The following SPTA1 variants were observed in gnomAD, a reference collection of about 807,000 sequenced individuals.
SPTA1 encodes spectrin alpha, erythrocytic 1.
A neutral mutation model predicts 324.7 loss-of-function variants in SPTA1; 177 were observed. That is an observed-to-expected ratio of 0.55 (90% CI 0.48 to 0.62). The LOEUF (loss-of-function observed/expected upper bound fraction) is 0.62, where lower values mean the gene tolerates loss of function less well. Ranked by LOEUF, SPTA1 falls within the 20% of genes least tolerant of loss-of-function variation. SPTA1 has a pLI of 0.00. For synonymous variants in SPTA1, 1,195 were observed against 1,041.3 expected, an observed-to-expected ratio of 1.15 and a Z score of -2.84; for missense variants, 3,162 against 2,883.6, an observed-to-expected ratio of 1.10 and a Z score of -2.21.
intron 27 of SPTA1, among the ~76,000 whole-genome samples, chr1:158,646,854 C>T (rs771656445): frequency 4.6e-5 from 7 of 152,068 alleles, no homozygotes; most frequent in East Asian, 3.9e-4. Context: ...CTGACTGATG[C>T]GATAGAGCCA....
intron 15 of SPTA1, among the ~76,000 whole-genome samples, chr1:158,667,492 G>T (rs76608891): frequency 1.9e-3 from 295 of 152,220 alleles, no homozygotes; most frequent in African/African-American, 6.9e-3. Context: ...ATAATATCTT[G>T]TCTAGCTTAT....
chr1:158,617,130 C>G (rs1251929284), intron 47 of SPTA1, among the ~76,000 whole-genome samples: 2 of 152,152 alleles, frequency 1.3e-5, no homozygotes, highest in Non-Finnish European at 2.9e-5. Flanking sequence ...TATCATCTTA[C>G]TACGTCATAT....
Position 158,639,351 on chromosome 1 carries a change from G to A in SPTA1, c.4980+231C>T, listed in dbSNP as rs1402486032. On this transcript the variant is annotated intron_variant, in intron 35 of 51. Transcript: ENST00000643759. Reference sequence around the variant, plus strand: ...AAAAGATAAAAAAGATAGTTTCCCAGGTCCACTTTCTGGAATCTTAAAGTC... The same window carrying A: ...AAAAGATAAAAAAGATAGTTTCCCAAGTCCACTTTCTGGAATCTTAAAGTC... 5.3e-6 allele frequency: 3 copies of A among 570,044 alleles called. No homozygotes were observed. The African/African-American group carries it at 5.6e-5, about 11-fold the overall frequency. The allele number at this position is 570,044 out of a possible 1,614,324, so 35.3% of individuals were successfully genotyped here.
chr1:158,671,195 A>G, intron 12 of SPTA1, 148 bp downstream of exon 12: 2 of 680,904 alleles, frequency 2.9e-6, no homozygotes, highest in South Asian at 3.2e-5. Flanking sequence ...AAACACACCA[A>G]CAACGAAAGA....
At chr1:158,685,968 A>G (rs945166196) in intron 1 of SPTA1, among the ~76,000 whole-genome samples, 1 of 152,182 alleles carries the variant, frequency 6.6e-6, no homozygotes, top group African/African-American at 2.4e-5. Context: ...GAAATATAAA[A>G]ACTTTTACTC....
chr1:158,662,147 T>G (rs973658430), intron 17 of SPTA1, among the ~76,000 whole-genome samples: 1 of 152,208 alleles, frequency 6.6e-6, no homozygotes, highest in African/African-American at 2.4e-5. Context: ...AAACCTTTCA[T>G]TGTCCTCATT....
intron 42 of SPTA1, among the ~76,000 whole-genome samples, chr1:158,625,192 T>A (rs1453100240): frequency 6.6e-6 from 1 of 152,102 alleles, no homozygotes; most frequent in African/African-American, 2.4e-5. Flanking sequence ...AAAGTGGAAA[T>A]AGATATTTCT....
Position 158,668,069 on chromosome 1 carries a change from T to C in SPTA1, c.1834-7A>G, listed in dbSNP as rs370139457. 1.3e-6 allele frequency: 2 copies of C among 1,490,996 alleles called. No individual in the cohort carries two copies. The highest frequency in any genetic ancestry group is 2.4e-5 in the South Asian group (2 of 82,610). 92.4% of individuals were successfully genotyped at this position (1,490,996 alleles called of 1,614,324 possible). A position where few individuals can be genotyped will look rare whatever the true frequency, so the allele number is the denominator to read the frequency against. ...TCTTCAAGTTCTGTATGTCCTGAGATAAGATGAAAAAAAAAAAAAAAACCA... is the reference window on the plus strand; with the variant it reads ...TCTTCAAGTTCTGTATGTCCTGAGACAAGATGAAAAAAAAAAAAAAAACCA... On this transcript the variant is annotated splice_region_variant and splice_polypyrimidine_tract_variant and intron_variant, in intron 14 of 51. Coordinates refer to ENST00000643759, the MANE Select transcript of SPTA1 (RefSeq NM_003126.4).
At position 158,634,590 on chromosome 1, in the gene SPTA1, C is replaced by T. The variant is rs1183748687; in HGVS notation, c.5518G>A (p.Ala1840Thr). Residue 1840 changes from alanine (A) to threonine (T), a missense_variant, in exon 39 of 52, where the codon GCT (alanine) becomes ACT (threonine). Physicochemically the swap from Ala to Thr is moderately conservative, Grantham distance 58. Coordinates refer to ENST00000643759, the MANE Select transcript of SPTA1 (RefSeq NM_003126.4). ...CCACAATCTCCTCGGACAGCCAAAGCATTCTTTTCATTGATCCAAGCTTCC... is the reference window on the plus strand; with the variant it reads ...CCACAATCTCCTCGGACAGCCAAAGTATTCTTTTCATTGATCCAAGCTTCC... ...EEEAWINEKN[A>T]LAVRGDCGDT... The T allele has an allele frequency of 6.2e-7, 1 of 1,614,040 alleles. No individual in the cohort carries two copies. Among genetic ancestry groups the T allele is most frequent in the African/African-American group, 1.3e-5 (1 of 74,928 alleles).
intron 24 of SPTA1, 59 bp from the exon 25 acceptor site, chr1:158,650,006 C>T (rs545715342): frequency 2.8e-5 from 32 of 1,129,322 alleles, no homozygotes; most frequent in African/African-American, 2.6e-4. Flanking sequence ...GGCTCAGTGG[C>T]GTCTGAAGAC....
At chr1:158,653,194 T>C in intron 22 of SPTA1, 80 bp downstream of exon 22, 4 of 1,592,048 alleles carry the variant, frequency 2.5e-6, no homozygotes, top group Non-Finnish European at 3.4e-6. Context: ...ATCTAACAGA[T>C]GCAGGGTCAT....
intron 12 of SPTA1, 48 bp from the exon 13 acceptor site, chr1:158,669,834 G>T: frequency 6.4e-7 from 1 of 1,573,574 alleles, no homozygotes; most frequent in Non-Finnish European, 8.7e-7. Flanking sequence ...AGTGACCACT[G>T]AGTAAGTGGC....
chr1:158,674,185 G>A lies in SPTA1; in HGVS notation c.1350+144C>T, dbSNP rs115245617. 2.6e-3 allele frequency: 2,292 copies of A among 896,380 alleles called. 34 individuals carry two copies. In the African/African-American group the frequency reaches 0.033, roughly 13 times the overall value. 55.5% of individuals were successfully genotyped at this position (896,380 alleles called of 1,614,324 possible). A position where few individuals can be genotyped will look rare whatever the true frequency, so the allele number is the denominator to read the frequency against. ...AAGTGATAACTGTATATGAAAGGAAGCAGTGTAAAAGTTTGATTCATATTA... is the reference window on the plus strand; with the variant it reads ...AAGTGATAACTGTATATGAAAGGAAACAGTGTAAAAGTTTGATTCATATTA... On this transcript the variant is annotated intron_variant, in intron 10 of 51. Coordinates refer to ENST00000643759, the MANE Select transcript of SPTA1 (RefSeq NM_003126.4).
At position 158,665,372 on chromosome 1, in the gene SPTA1, A is replaced by G. The variant is rs545353264; in HGVS notation, c.2220+944T>C. On this transcript the variant is annotated intron_variant, in intron 16 of 51. Transcript: ENST00000643759. ...ACTTTTTTCCTGTTTTCTGTAGATT[A>G]TTCTGTTTTTTTCCATTTAACTCAG... Among the ~76,000 whole-genome samples the G allele has an allele frequency of 5.9e-5, 9 of 152,214 alleles. No homozygotes were observed. In the South Asian group the frequency reaches 1.9e-3, roughly 32 times the overall value.
At chr1:158,665,963 T>G (rs1653565832) in intron 16 of SPTA1, among the ~76,000 whole-genome samples, 1 of 152,028 alleles carries the variant, frequency 6.6e-6, no homozygotes, top group South Asian at 2.1e-4. Context: ...GAGTTTATGT[T>G]TAGAAAAGTC....
chr1:158,668,655 G>A (rs1653787946), intron 14 of SPTA1, among the ~76,000 whole-genome samples: 1 of 152,130 alleles, frequency 6.6e-6, no homozygotes. Flanking sequence ...GATGGTAAAT[G>A]TGAAGGTTTG....
chr1:158,626,110 C>A, intron 42 of SPTA1, 36 bp downstream of exon 42: 1 of 1,577,402 alleles, frequency 6.3e-7, no homozygotes, highest in South Asian at 1.1e-5. Flanking sequence ...CTGTGTGAAT[C>A]AGGTCTTGGG....
chr1:158,642,592 C>G (rs772579224), intron 32 of SPTA1, 50 bp from the exon 33 acceptor site: 23 of 1,607,840 alleles, frequency 1.4e-5, no homozygotes, highest in South Asian at 9.9e-5. Context: ...TTTATGGTGA[C>G]AAGATAAGGT....
chr1:158,641,869 A>T (rs898038187), intron 33 of SPTA1, among the ~76,000 whole-genome samples: 7 of 152,192 alleles, frequency 4.6e-5, no homozygotes, highest in African/African-American at 1.7e-4. Flanking sequence ...ACATATGTTT[A>T]TTGCGGCACT....
Sources: gnomAD v4.1 joint callset for allele counts (sites outside exome capture counted in the v4.1 genomes callset) on GRCh38, gnomAD v4.1.1 for gene constraint, MANE v1.5 for transcripts, NCBI Gene and HGNC (gene_info 2026-07-23, HGNC 2026-07-21) for gene names.